ZNF438: variants seen among roughly 807,000 people sequenced by gnomAD.
ZNF438 encodes the protein zinc finger protein 438.
In ZNF438, 25 loss-of-function variants were observed where a neutral mutation model predicts 38.0. That is an observed-to-expected ratio of 0.66 (90% CI 0.48 to 0.92). The LOEUF is 0.92. Among genes scored for constraint, ZNF438 ranks in the 40% least tolerant of loss-of-function variants. The pLI is 0.00. For synonymous variants in ZNF438, 372 were observed against 364.1 expected (o/e 1.02, Z -0.25); for missense variants, 1,007 against 999.6 (o/e 1.01, Z -0.10).
intron 4 of ZNF438, among the ~76,000 whole-genome samples, chr10:30,858,758 C>T (rs1454936378): frequency 6.6e-6 from 1 of 152,090 alleles, no homozygotes; most frequent in African/African-American, 2.4e-5. Flanking sequence ...TAGTTTAGTC[C>T]ATTCTCCTTG....
At chr10:30,971,877 C>CAA (rs1161563346) in intron 1 of ZNF438, among the ~76,000 whole-genome samples, 1 of 152,000 alleles carries the variant, frequency 6.6e-6, no homozygotes, top group Non-Finnish European at 1.5e-5. Flanking sequence ...AGCCATAAAT[C>CAA]AAAACAGTTT....
chr10:30,915,203 T>C (rs770286659), intron 2 of ZNF438, among the ~76,000 whole-genome samples: 9 of 152,054 alleles, frequency 5.9e-5, no homozygotes, highest in African/African-American at 1.7e-4. Flanking sequence ...AAGTTTAAGA[T>C]AGAAAATAAA....
At chr10:30,864,129 C>T (rs534203143) in intron 4 of ZNF438, among the ~76,000 whole-genome samples, 2 of 152,242 alleles carry the variant, frequency 1.3e-5, no homozygotes, top group South Asian at 2.1e-4. Flanking sequence ...CATTCACTGT[C>T]CCTTTTATTT....
At chr10:30,949,887 C>T (rs548010203) in intron 1 of ZNF438, among the ~76,000 whole-genome samples, 1 of 152,162 alleles carries the variant, frequency 6.6e-6, no homozygotes, top group South Asian at 2.1e-4. Flanking sequence ...CAGCTCTGCA[C>T]CAAGCGGACC....
chr10:30,953,276 T>A (rs2048439085), intron 1 of ZNF438, among the ~76,000 whole-genome samples: 1 of 151,688 alleles, frequency 6.6e-6, no homozygotes, highest in Admixed American at 6.6e-5. Flanking sequence ...AGGGGAGGGA[T>A]AACATTGGGA....
intron 2 of ZNF438, among the ~76,000 whole-genome samples, chr10:30,914,658 T>G (rs1363012393): frequency 6.6e-6 from 1 of 152,004 alleles, no homozygotes; most frequent in Non-Finnish European, 1.5e-5. Context: ...TTCACAGCAT[T>G]TCTCAAAGAC....
intron 1 of ZNF438, among the ~76,000 whole-genome samples, chr10:31,007,547 TG>T (rs2055275186): frequency 6.6e-6 from 1 of 152,222 alleles, no homozygotes; most frequent in East Asian, 1.9e-4. Context: ...CCCAAAGTGC[TG>T]GGATTACAGG....
chr10:31,017,606 G>A (rs552207170), intron 1 of ZNF438, among the ~76,000 whole-genome samples: 7 of 152,322 alleles, frequency 4.6e-5, no homozygotes, highest in Non-Finnish European at 1.0e-4. Context: ...CAACTCTCCT[G>A]TTTTATCTGC....
chr10:30,858,853 T>C (rs1249983990), intron 4 of ZNF438, among the ~76,000 whole-genome samples: 2 of 152,190 alleles, frequency 1.3e-5, no homozygotes, highest in African/African-American at 2.4e-5. Flanking sequence ...GCAGGGCAAC[T>C]TCCACTCAGC....
At chr10:31,029,843 CTCTCACTGTG>C (rs1164191249) in intron 1 of ZNF438, among the ~76,000 whole-genome samples, 3 of 152,238 alleles carry the variant, frequency 2.0e-5, no homozygotes, top group Non-Finnish European at 4.4e-5. Flanking sequence ...GCTCTAAACA[CTCTCACTGTG>C]TCTGGACCAC....
chr10:30,957,559 T>C (rs1347826132), intron 1 of ZNF438, among the ~76,000 whole-genome samples: 1 of 152,206 alleles, frequency 6.6e-6, no homozygotes, highest in Non-Finnish European at 1.5e-5. Flanking sequence ...AACAGGTATC[T>C]AGTTTCTGCA....
intron 3 of ZNF438, among the ~76,000 whole-genome samples, chr10:30,885,080 A>G (rs1426380060): frequency 6.6e-6 from 1 of 152,242 alleles, no homozygotes; most frequent in Admixed American, 6.5e-5. Context: ...TAGGGAATAA[A>G]CATGTCATAT....
intron 1 of ZNF438, 120 bp downstream of exon 1, chr10:31,031,713 C>A (rs1454941554): frequency 1.3e-5 from 2 of 152,954 alleles, no homozygotes; most frequent in Non-Finnish European, 2.9e-5. Context: ...CCTGTCCCTT[C>A]GCCACAATCG....
At position 30,991,727 on chromosome 10, in the gene ZNF438, G is replaced by A. The variant is rs143760995; in HGVS notation, c.-192+40106C>T. Reference sequence around the variant, plus strand: ...AACCAACAAATTAGGACTATCAGAAGTTTAACAGAACTAGAAAAAGAGACA... The same window carrying A: ...AACCAACAAATTAGGACTATCAGAAATTTAACAGAACTAGAAAAAGAGACA... On this transcript the variant is annotated intron_variant, in intron 1 of 5. Transcript: ENST00000413025. Among the ~76,000 whole-genome samples the A allele has an allele frequency of 2.0e-4, 30 of 152,310 alleles. 1 individual carries two copies. The East Asian group carries it at 5.8e-3, about 29-fold the overall frequency.
chr10:30,869,846 A>G (rs2037106941), intron 4 of ZNF438, among the ~76,000 whole-genome samples: 1 of 152,260 alleles, frequency 6.6e-6, no homozygotes, highest in African/African-American at 2.4e-5. Context: ...GGTAATACAT[A>G]GGGAATGATA....
chr10:30,931,281 G>A (rs939727262), intron 2 of ZNF438, among the ~76,000 whole-genome samples: 1 of 152,218 alleles, frequency 6.6e-6, no homozygotes, highest in Non-Finnish European at 1.5e-5. Context: ...AGGAAAAGGA[G>A]TCCAAATGAG....
At chr10:30,955,359 C>T (rs2048747262) in intron 1 of ZNF438, among the ~76,000 whole-genome samples, 1 of 152,242 alleles carries the variant, frequency 6.6e-6, no homozygotes, top group African/African-American at 2.4e-5. Context: ...CCTATGTCTT[C>T]TCTCACTAAA....
intron 4 of ZNF438, among the ~76,000 whole-genome samples, chr10:30,852,073 G>A (rs2033743660): frequency 3.3e-5 from 5 of 151,708 alleles, no homozygotes; most frequent in Admixed American, 3.3e-4. Context: ...TGAGGCAGGA[G>A]AATCACTTGA....
At chr10:30,954,996 A>G (rs1445189146) in intron 1 of ZNF438, among the ~76,000 whole-genome samples, 3 of 152,196 alleles carry the variant, frequency 2.0e-5, no homozygotes, top group African/African-American at 7.2e-5. Flanking sequence ...TAACATCAGT[A>G]TATCAAAATT....
Sources: gnomAD v4.1 joint callset for allele counts (sites outside exome capture counted in the v4.1 genomes callset) on GRCh38, gnomAD v4.1.1 for gene constraint, MANE v1.5 for transcripts, NCBI Gene and HGNC (gene_info 2026-07-23, HGNC 2026-07-21) for gene names.